TRPM2: variants seen among roughly 807,000 people sequenced by gnomAD.
The protein encoded by TRPM2 is estrogen-responsive element-associated gene 1 protein.
A neutral mutation model predicts 174.0 loss-of-function variants in TRPM2; 161 were observed. The observed-to-expected ratio is 0.93, with a 90% CI of 0.81 to 1.05. The LOEUF is 1.05. TRPM2 is among the 50% of genes least tolerant of loss of function. The probability of loss-of-function intolerance (pLI) is 0.00; values close to 1 mark genes in which losing one functional copy is unlikely to be tolerated. For synonymous variants in TRPM2, 954 were observed against 861.3 expected (o/e 1.11, Z -1.88); for missense variants, 2,057 against 2,038.0 (o/e 1.01, Z -0.18).
chr21:44,390,640 G>T (rs1190954976), intron 9 of TRPM2, among the ~76,000 whole-genome samples: 1 of 152,180 alleles, frequency 6.6e-6, no homozygotes, highest in Non-Finnish European at 1.5e-5. Context: ...AGGGGCCAGG[G>T]CATGGCCAGG....
chr21:44,396,581 GGAGGGGTGTA>G (rs1343479012), intron 12 of TRPM2, among the ~76,000 whole-genome samples: 1 of 41,956 alleles, frequency 2.4e-5, no homozygotes, highest in Non-Finnish European at 4.6e-5. Context: ...TGGAGGCTGT[GGAGGGGTGTA>G]GAGGGGTGTA....
chr21:44,434,442 C>T (rs933167317), intron 27 of TRPM2, among the ~76,000 whole-genome samples: 16 of 151,908 alleles, frequency 1.1e-4, no homozygotes, highest in African/African-American at 3.6e-4. Flanking sequence ...GGGACTATGG[C>T]GGGGATGCTG....
chr21:44,379,218 G>C, intron 8 of TRPM2, 21 bp downstream of exon 8: 1 of 1,608,330 alleles, frequency 6.2e-7, no homozygotes, highest in Admixed American at 1.7e-5. Flanking sequence ...CGGGCACGAC[G>C]GTCACCAGCA....
intron 23 of TRPM2, among the ~76,000 whole-genome samples, chr21:44,424,644 C>T (rs909950566): frequency 6.6e-6 from 1 of 152,140 alleles, no homozygotes; most frequent in Admixed American, 6.5e-5. Context: ...TGGCAGCCCC[C>T]GGGGGGAGCC....
Position 44,354,549 on chromosome 21 carries a change from TA to T in TRPM2, c.166-98del. ...CGCAGGCTTCCTTCCTTCAAGCAAA[TA>T]GTGTGAAAGCTCCTCAAGGAGCTCA... On this transcript the variant is annotated intron_variant, in intron 1 of 31. Transcript: ENST00000397928. The surrounding 1 kb of genome is among the most constrained non-coding windows in gnomAD (Gnocchi z 4.3). 2 of 1,064,914 alleles carry T rather than the reference TA, an allele frequency of 1.9e-6. No homozygotes were observed. The highest frequency in any genetic ancestry group is 2.9e-6 in the Non-Finnish European group (2 of 693,918). The allele number at this position is 1,064,914 out of a possible 1,614,324, so 66.0% of individuals were successfully genotyped here. A position where few individuals can be genotyped will look rare whatever the true frequency, so the allele number is the denominator to read the frequency against.
chr21:44,391,451 G>A lies in TRPM2; in HGVS notation c.1620G>A (p.Leu540=), dbSNP rs762966264. Reference sequence around the variant, plus strand: ...TCCACAGCAAGCTGCAGAAGGTGCTGGTGGAGGATCCCGAGCGCCCGGCTT... The same window carrying A: ...TCCACAGCAAGCTGCAGAAGGTGCTAGTGGAGGATCCCGAGCGCCCGGCTT... The part of the protein sequence containing the change: ...CLFHSKLQKV[L]VEDPERPACA... The change falls in exon 11 of 32, where the codon CTG becomes CTA. Residue 540 remains leucine, a synonymous_variant. Transcript: ENST00000397928. This position sits in a 1 kb window ranked among gnomAD's most constrained non-coding sequence, Gnocchi z 5.0. The A allele has an allele frequency of 1.9e-6, 3 of 1,613,698 alleles. No homozygotes were observed. Among genetic ancestry groups the A allele is most frequent in the Non-Finnish European group, 2.5e-6 (3 of 1,180,014 alleles).
At chr21:44,353,927 G>A in intron 1 of TRPM2, 62 bp downstream of exon 1, 1 of 1,551,390 alleles carries the variant, frequency 6.4e-7, no homozygotes, top group Non-Finnish European at 8.7e-7. Flanking sequence ...CGTTGGGCAG[G>A]TCATAGCTTG....
chr21:44,358,804 G>A (rs187524120), intron 2 of TRPM2, among the ~76,000 whole-genome samples: 6 of 152,238 alleles, frequency 3.9e-5, no homozygotes, highest in East Asian at 1.9e-4. Flanking sequence ...GTTCCTTCCC[G>A]GGGGTCTTGG....
In TRPM2 at chr21:44,406,233, C is replaced by T. The variant is rs45579431; in HGVS notation, c.2790+196C>T. ...TACGTCACCTCTTCCAGGAAGCCTT[C>T]CCTCATTCTCCCCTCTGATCCCCAC... On this transcript the variant is annotated intron_variant, in intron 18 of 31. Coordinates refer to ENST00000397928, the MANE Select transcript of TRPM2 (RefSeq NM_003307.4). 4.4e-3 allele frequency among the ~76,000 whole-genome samples: 677 copies of T among 152,180 alleles called. 7 individuals are homozygous for T. The highest frequency in any genetic ancestry group is 0.014 in the African/African-American group (591 of 41,514).
At chr21:44,437,017 G>C in intron 28 of TRPM2, 45 bp from the exon 29 acceptor site, 1 of 1,526,196 alleles carries the variant, frequency 6.6e-7, no homozygotes, top group South Asian at 1.2e-5. Flanking sequence ...GGGGAGGGTG[G>C]AGGCCGCAGC....
In TRPM2 at chr21:44,354,525, G is replaced by C. The variant is rs1254802477; in HGVS notation, c.166-123G>C. 6.2e-6 allele frequency: 5 copies of C among 805,656 alleles called. No individual in the cohort carries two copies. Among genetic ancestry groups the C allele is most frequent in the Admixed American group, 4.3e-5 (2 of 46,706 alleles). The allele number at this position is 805,656 out of a possible 1,614,324, so 49.9% of individuals were successfully genotyped here. ...CTTCTAATCTTTGGCTCAGGGTCGCGCAGGCTTCCTTCCTTCAAGCAAATA... is the reference window on the plus strand; with the variant it reads ...CTTCTAATCTTTGGCTCAGGGTCGCCCAGGCTTCCTTCCTTCAAGCAAATA... On this transcript the variant is annotated intron_variant, in intron 1 of 31. Transcript: ENST00000397928. This position sits in a 1 kb window ranked among gnomAD's most constrained non-coding sequence, Gnocchi z 4.3.
intron 27 of TRPM2, among the ~76,000 whole-genome samples, chr21:44,434,525 T>C (rs1005933760): frequency 2.0e-5 from 3 of 152,096 alleles, no homozygotes; most frequent in Admixed American, 6.5e-5. Flanking sequence ...CCTTCTGTTT[T>C]AGTGGTACAT....
chr21:44,384,007 G>C (rs982911615), intron 9 of TRPM2, among the ~76,000 whole-genome samples: 2 of 152,202 alleles, frequency 1.3e-5, no homozygotes, highest in Admixed American at 6.5e-5. Context: ...GTACAGATTA[G>C]AGCAGAGATC....
At chr21:44,423,600 C>T (rs1370827934) in intron 22 of TRPM2, 45 bp from the exon 23 acceptor site, 1 of 1,551,980 alleles carries the variant, frequency 6.4e-7, no homozygotes, top group East Asian at 2.3e-5. Flanking sequence ...GTTCCCAGGG[C>T]CCCAAGGTGT....
At chr21:44,407,454 T>G (rs926180280) in intron 19 of TRPM2, among the ~76,000 whole-genome samples, 2 of 85,938 alleles carry the variant, frequency 2.3e-5, no homozygotes, top group Admixed American at 1.2e-4. Flanking sequence ...TAGAAGGTTT[T>G]TTTTTTTTTT....
chr21:44,364,780 T>C (rs1026899880), intron 3 of TRPM2, among the ~76,000 whole-genome samples: 6 of 152,172 alleles, frequency 3.9e-5, no homozygotes, highest in African/African-American at 1.4e-4. Flanking sequence ...GGGCCAGGCA[T>C]GGCGGGATCC....
chr21:44,401,885 G>A lies in TRPM2; in HGVS notation c.2526G>A (p.Glu842=). 1.2e-6 allele frequency: 2 copies of A among 1,613,772 alleles called. No individual in the cohort carries two copies. The highest frequency in any genetic ancestry group is 1.7e-6 in the Non-Finnish European group (2 of 1,179,998). The part of the protein sequence containing the change: ...IYLWLFSLVC[E]EMRQLFYDPD... ...TCTGGCTCTTCTCCTTGGTGTGCGAGGAGATGCGGCAGGTACAGCCCCACC... is the reference window on the plus strand; with the variant it reads ...TCTGGCTCTTCTCCTTGGTGTGCGAAGAGATGCGGCAGGTACAGCCCCACC... Residue 842 remains glutamate, a synonymous_variant, in exon 16 of 32, where the codon GAG becomes GAA. Transcript: ENST00000397928.
chr21:44,422,763 C>T (rs564715482), intron 22 of TRPM2, among the ~76,000 whole-genome samples: 54 of 149,192 alleles, frequency 3.6e-4, no homozygotes, highest in African/African-American at 1.2e-3. Context: ...AGAATAATAG[C>T]GCCGCTCTAC....
intron 22 of TRPM2, among the ~76,000 whole-genome samples, chr21:44,421,957 A>G (rs1273368958): frequency 1.3e-5 from 2 of 152,126 alleles, no homozygotes; most frequent in African/African-American, 4.8e-5. Context: ...TCCCAAGATG[A>G]GCCTGCAGAA....
Sources: allele counts gnomAD v4.1 joint callset (sites outside exome capture counted in the v4.1 genomes callset), GRCh38; gene constraint gnomAD v4.1.1; non-coding constraint Gnocchi (gnomAD v3.1); transcripts MANE v1.5; gene names NCBI Gene and HGNC (gene_info 2026-07-23, HGNC 2026-07-21).